The following EPX variants were observed in gnomAD, a reference collection of about 807,000 sequenced individuals.
EPX encodes the protein eosinophil peroxidase.
In EPX, 60 loss-of-function variants were observed where a neutral mutation model predicts 73.0. That is an observed-to-expected ratio of 0.82 (90% CI 0.67 to 1.02). The LOEUF is 1.02. Among genes scored for constraint, EPX ranks in the 50% least tolerant of loss-of-function variants. The probability of loss-of-function intolerance (pLI) is 0.00; values close to 1 mark genes in which losing one functional copy is unlikely to be tolerated. For synonymous variants in EPX, 347 were observed against 389.2 expected (o/e 0.89, Z 1.28); for missense variants, 950 against 973.9 (o/e 0.98, Z 0.33).
In EPX at chr17:58,199,028, G is replaced by C. The variant is rs1006586103; in HGVS notation, c.1121-12G>C. On this transcript the variant is annotated splice_polypyrimidine_tract_variant and intron_variant, in intron 7 of 12. Transcript: ENST00000225371. ...GAAAGGCTGCAGTAAATCTGAGCTT[G>C]GGGTTTTCAAGGTGACACCCGATCA... The C allele has an allele frequency of 6.2e-7, 1 of 1,613,056 alleles. No homozygotes were observed.
Position 58,195,192 on chromosome 17 carries a change from C to T in EPX, c.801+22C>T, listed in dbSNP as rs1309983907. The T allele has an allele frequency of 8.1e-6, 13 of 1,595,558 alleles. No homozygotes were observed. In the South Asian group the frequency reaches 9.9e-5, roughly 12 times the overall value. On this transcript the variant is annotated intron_variant, in intron 6 of 12. Transcript: ENST00000225371. ...CAAGGTACCTACCCTCAGCCAATCT[C>T]CCATGCCCTTGTGTGGCCTCCCCCA...
chr17:58,201,231 C>T (rs1310754859), intron 10 of EPX, among the ~76,000 whole-genome samples: 1 of 152,208 alleles, frequency 6.6e-6, no homozygotes, highest in Non-Finnish European at 1.5e-5. Context: ...CCTCCTACTG[C>T]CCACCCCACT....
rs774011782 is a variant in EPX, at chr17:58,197,037, C to T, written c.900C>T (p.Asn300=). 1 of 1,614,202 alleles carries T rather than the reference C, an allele frequency of 6.2e-7. No homozygotes were observed. The highest frequency in any genetic ancestry group is 1.1e-5 in the South Asian group (1 of 91,082). The change falls in exon 7 of 13, where the codon AAC becomes AAT. Residue 300 remains asparagine (N), a synonymous_variant. Coordinates refer to ENST00000225371, the MANE Select transcript of EPX (RefSeq NM_000502.6). The part of the protein sequence containing the change: ...SCPQNKNRVR[N]QINALTSFVD... ...CCCAAAACAAGAACAGAGTCCGCAA[C>T]CAGATCAACGCGCTCACCTCCTTTG... is the stretch of plus-strand genomic sequence containing the variant.
intron 6 of EPX, among the ~76,000 whole-genome samples, chr17:58,195,676 A>C (rs1457196811): frequency 1.3e-5 from 2 of 151,540 alleles, no homozygotes; most frequent in African/African-American, 4.9e-5. Context: ...TAGGGTTGAC[A>C]CACGTGCACA....
At chr17:58,199,434 C>A in intron 8 of EPX, 105 bp from the exon 9 acceptor site, 1 of 1,341,618 alleles carries the variant, frequency 7.5e-7, no homozygotes, top group Non-Finnish European at 1.1e-6. Flanking sequence ...AATGTTGTCA[C>A]ATTTGACGTG....
chr17:58,193,839 C>T lies in EPX; in HGVS notation c.464+8C>T, dbSNP rs36066186. ...TGGACGGTGCAACAACAAGTGCGTG[C>T]GGGGCGGCAGGAGGGGCTGCCCCTG... On this transcript the variant is annotated splice_region_variant and intron_variant, in intron 4 of 12. Transcript: ENST00000225371. The T allele has an allele frequency of 4.3e-3, 6,874 of 1,606,178 alleles. 217 individuals carry two copies. The African/African-American group carries it at 0.075, about 17-fold the overall frequency.
Position 58,197,051 on chromosome 17 carries a change from T to C in EPX, c.914T>C (p.Leu305Pro). The change falls in exon 7 of 13, where the codon CTC (leucine) becomes CCC (proline). Residue 305 changes from leucine to proline, a missense_variant. By Grantham distance (98) the Leu-to-Pro change is moderately conservative. Transcript: ENST00000225371. ...KNRVRNQINA[L>P]TSFVDASMVY... The stretch of plus-strand genomic sequence containing the variant: ...AGAGTCCGCAACCAGATCAACGCGC[T>C]CACCTCCTTTGTGGACGCCAGCATG... The C allele has an allele frequency of 6.2e-7, 1 of 1,614,092 alleles. No individual in the cohort carries two copies. The highest frequency in any genetic ancestry group is 8.5e-7 in the Non-Finnish European group (1 of 1,180,014).
intron 4 of EPX, 44 bp from the exon 5 acceptor site, chr17:58,193,919 T>C (rs1287526614): frequency 6.2e-7 from 1 of 1,612,358 alleles, no homozygotes; most frequent in Admixed American, 1.7e-5. Flanking sequence ...CTGAGCCATC[T>C]CCAGGCCCTG....
intron 5 of EPX, 69 bp from the exon 6 acceptor site, chr17:58,194,895 C>T: frequency 8.5e-7 from 1 of 1,181,376 alleles, no homozygotes. Flanking sequence ...TCCCTGAGTC[C>T]TGGGTTGGCT....
Position 58,193,457 on chromosome 17 carries a change from T to C in EPX, c.257T>C (p.Val86Ala), listed in dbSNP as rs1191795361. The C allele has an allele frequency of 1.9e-6, 3 of 1,614,176 alleles. No individual in the cohort carries two copies. The East Asian group carries it at 6.7e-5, about 36-fold the overall frequency. Residue 86 changes from valine (V) to alanine (A), a missense_variant, in exon 3 of 13, where the codon GTT becomes GCT. Physicochemically the swap from Val to Ala is moderately conservative, Grantham distance 64. Coordinates refer to ENST00000225371, the MANE Select transcript of EPX (RefSeq NM_000502.6). ...FKQPVAATRT[V>A]VRAADYMHVA... ...CAACCGGTAGCAGCCACCAGGACAG[T>C]TGTTCGGGCCGCAGATTATATGCAT...
Position 58,193,958 on chromosome 17 carries a change from T to C in EPX, c.465-5T>C. 1 of 1,612,924 alleles carries C rather than the reference T, an allele frequency of 6.2e-7. No individual in the cohort carries two copies. The highest frequency in any genetic ancestry group is 8.5e-7 in the Non-Finnish European group (1 of 1,179,998). Reference sequence around the variant, plus strand: ...CCTGCTAACCTATCCCACCCATGGCTGCAGGAGGAGACCCTTGCTAGGGGC... The same window carrying C: ...CCTGCTAACCTATCCCACCCATGGCCGCAGGAGGAGACCCTTGCTAGGGGC... On this transcript the variant is annotated splice_polypyrimidine_tract_variant and splice_region_variant and intron_variant, in intron 4 of 12. Coordinates refer to ENST00000225371, the MANE Select transcript of EPX (RefSeq NM_000502.6).
intron 8 of EPX, 96 bp downstream of exon 8, chr17:58,199,296 G>A: frequency 7.2e-7 from 1 of 1,383,488 alleles, no homozygotes; most frequent in South Asian, 1.2e-5. Context: ...AAACCAGCTG[G>A]GTCTGGGCAA....
At chr17:58,193,939 A>G (rs1390535167) in intron 4 of EPX, 24 bp from the exon 5 acceptor site, 7 of 1,612,696 alleles carry the variant, frequency 4.3e-6, no homozygotes, top group Non-Finnish European at 5.9e-6. Flanking sequence ...GCCCCCTGCT[A>G]ACCTATCCCA....
At chr17:58,204,167 C>T in intron 11 of EPX, 55 bp from the exon 12 acceptor site, 1 of 1,184,422 alleles carries the variant, frequency 8.4e-7, no homozygotes, top group Non-Finnish European at 1.3e-6. Flanking sequence ...AACAGGTGCT[C>T]ATTATAAGGT....
At position 58,197,067 on chromosome 17, in the gene EPX, C is replaced by G. The variant is rs150544366; in HGVS notation, c.930C>G (p.Asp310Glu). ...NQINALTSFVDASMVYGSEVS... is the reference protein window; with the variant it reads ...NQINALTSFVEASMVYGSEVS... Reference sequence around the variant, plus strand: ...TCAACGCGCTCACCTCCTTTGTGGACGCCAGCATGGTGTATGGCAGTGAGG... The same window carrying G: ...TCAACGCGCTCACCTCCTTTGTGGAGGCCAGCATGGTGTATGGCAGTGAGG... The change falls in exon 7 of 13, where the codon GAC (aspartate) becomes GAG (glutamate). Residue 310 changes from aspartate to glutamate, a missense_variant. Asp to Glu is a conservative substitution (Grantham distance 45). Transcript: ENST00000225371. 1 of 1,614,182 alleles carries G rather than the reference C, an allele frequency of 6.2e-7. No individual in the cohort carries two copies. Among genetic ancestry groups the G allele is most frequent in the Non-Finnish European group, 8.5e-7 (1 of 1,180,008 alleles).
At position 58,193,136 on chromosome 17, in the gene EPX, A is replaced by G. The variant is rs200112800; in HGVS notation, c.170+5A>G. 1.2e-3 allele frequency: 1,876 copies of G among 1,596,400 alleles called. 1 individual carries two copies. The highest frequency in any genetic ancestry group is 2.5e-3 in the Middle Eastern group (15 of 6,018). ...CTACAATTGGACCCAGAAGAGGTGG[A>G]CTTGGGTCTGGGGGCTGCATGGGCC... On this transcript the variant is annotated splice_donor_5th_base_variant and intron_variant, in intron 2 of 12. Transcript: ENST00000225371.
rs62636621 is a variant in EPX at position 58,195,094 on chromosome 17, C to T, written c.725C>T (p.Pro242Leu). 194 of 1,614,048 alleles carry T rather than the reference C, an allele frequency of 1.2e-4. No individual in the cohort carries two copies. The highest frequency in any genetic ancestry group is 1.8e-4 in the East Asian group (8 of 44,882). The change falls in exon 6 of 13, where the codon CCG (proline) becomes CTG (leucine). Residue 242 changes from proline to leucine, a missense_variant. Coordinates refer to ENST00000225371, the MANE Select transcript of EPX (RefSeq NM_000502.6). The stretch of plus-strand genomic sequence containing the variant: ...GACCTGGACTTCTCCCCGGAGTCCC[C>T]GGCCAGAGTGGCCTTCACTGCAGGC... ...DHDLDFSPES[P>L]ARVAFTAGVD...
At position 58,199,752 on chromosome 17, in the gene EPX, C is replaced by G; in HGVS notation, c.1495C>G (p.Leu499Val). ...RASAPNSHVP[L>V]SSAFFASWRI... ...CTCCGCACCCAACTCGCATGTCCCA[C>G]TTAGCTCTGCCTTCTTTGCCAGCTG... Residue 499 changes from leucine to valine, a missense_variant, in exon 9 of 13, where the codon CTT (leucine) becomes GTT (valine). Physicochemically the swap from Leu to Val is conservative, Grantham distance 32. Coordinates refer to ENST00000225371, the MANE Select transcript of EPX (RefSeq NM_000502.6). 1 of 1,613,968 alleles carries G rather than the reference C, an allele frequency of 6.2e-7. No homozygotes were observed. The highest frequency in any genetic ancestry group is 8.5e-7 in the Non-Finnish European group (1 of 1,180,022).
intron 7 of EPX, among the ~76,000 whole-genome samples, chr17:58,197,605 A>G (rs1968279018): frequency 6.6e-6 from 1 of 152,192 alleles, no homozygotes; most frequent in South Asian, 2.1e-4. Context: ...AACCTCAGAA[A>G]AGACACTGTC....
Sources: allele counts gnomAD v4.1 joint callset (sites outside exome capture counted in the v4.1 genomes callset), GRCh38; gene constraint gnomAD v4.1.1; transcripts MANE v1.5; gene names NCBI Gene and HGNC (gene_info 2026-07-23, HGNC 2026-07-21).